NPHP3: variants seen among roughly 807,000 people sequenced by gnomAD.
The protein encoded by NPHP3 is nephrocystin-3.
NPHP3 carries 123 observed loss-of-function variants against 171.9 expected under a neutral mutation model. The observed-to-expected ratio is 0.72, with a 90% CI of 0.62 to 0.83. NPHP3 has a LOEUF of 0.83. NPHP3 is among the 40% of genes least tolerant of loss of function. The probability of loss-of-function intolerance (pLI) is 0.00; values close to 1 mark genes in which losing one functional copy is unlikely to be tolerated. For missense variants in NPHP3, 1,506 were observed against 1,591.9 expected, an observed-to-expected ratio of 0.95 and a Z score of 0.92; for synonymous variants, 558 against 579.2, an observed-to-expected ratio of 0.96 and a Z score of 0.52.
At position 132,708,169 on chromosome 3, in the gene NPHP3, C is replaced by T; in HGVS notation, c.1207G>A (p.Val403Ile). 2 of 1,614,154 alleles carry T rather than the reference C, an allele frequency of 1.2e-6. No individual in the cohort carries two copies. The highest frequency in any genetic ancestry group is 2.7e-5 in the African/African-American group (2 of 75,056). ...LIFHRLEDGK[V>I]SSDSVQQLID... ...AATTGCTGGACAGAGTCAGAACTGA[C>T]TTTTCCATCTTCCAAACGATGAAAG... The change falls in exon 7 of 27, where the codon GTC becomes ATC. Residue 403 changes from valine (V) to isoleucine (I), a missense_variant. Transcript: ENST00000337331.
chr3:132,707,649 T>C (rs1391212621), intron 7 of NPHP3, among the ~76,000 whole-genome samples: 1 of 152,014 alleles, frequency 6.6e-6, no homozygotes, highest in East Asian at 1.9e-4. Flanking sequence ...TAAGAAATCC[T>C]ATTGGCTCTA....
intron 9 of NPHP3, 43 bp downstream of exon 9, chr3:132,704,155 A>G: frequency 1.3e-6 from 2 of 1,552,410 alleles, no homozygotes; most frequent in Non-Finnish European, 1.8e-6. Context: ...ACAGCCTTTA[A>G]GTGGTGACAG....
At chr3:132,699,232 C>A (rs757472713) in intron 13 of NPHP3, 121 bp downstream of exon 13, 5 of 698,644 alleles carry the variant, frequency 7.2e-6, no homozygotes, top group Non-Finnish European at 1.3e-5. Context: ...ACCCACTTCT[C>A]CCCATCCTCA....
At chr3:132,701,756 C>A (rs1238319314) in intron 9 of NPHP3, among the ~76,000 whole-genome samples, 1 of 152,226 alleles carries the variant, frequency 6.6e-6, no homozygotes. Context: ...GGCGCGGTGG[C>A]TCACGCCTGT....
intron 3 of NPHP3, 35 bp from the exon 4 acceptor site, chr3:132,716,944 A>G: frequency 6.2e-7 from 1 of 1,609,348 alleles, no homozygotes; most frequent in South Asian, 1.1e-5. Context: ...TGTGAAAGCC[A>G]ACTTATTGAA....
intron 6 of NPHP3, among the ~76,000 whole-genome samples, chr3:132,712,095 CTCTATA>C (rs879364865): frequency 2.1e-5 from 3 of 146,070 alleles, no homozygotes; most frequent in Non-Finnish European, 4.7e-5. Context: ...TGTCCTTTAT[CTCTATA>C]TCTAACTGGT....
chr3:132,694,925 A>C lies in NPHP3; in HGVS notation c.2212T>G (p.Cys738Gly). ...AGNLDKILHQ[C>G]FQCQDTLSLY... ...GAAAGAGTATCTTGACACTGGAAAC[A>C]CTGATGAAGGATTTTATCTAAATTG... The change falls in exon 16 of 27, where the codon TGT becomes GGT. Residue 738 changes from cysteine to glycine, a missense_variant. Physicochemically the swap from Cys to Gly is radical, Grantham distance 159. Around this residue, in one of 3 missense-constraint regions of NPHP3, gnomAD observed 930 missense variants for 924.9 expected, o/e 1.01. Coordinates refer to ENST00000337331, the MANE Select transcript of NPHP3 (RefSeq NM_153240.5). 2.5e-6 allele frequency: 4 copies of C among 1,613,862 alleles called. No individual in the cohort carries two copies. Among genetic ancestry groups the C allele is most frequent in the Non-Finnish European group, 3.4e-6 (4 of 1,179,872 alleles).
At chr3:132,687,830 A>T (rs1939200511) in intron 21 of NPHP3, among the ~76,000 whole-genome samples, 1 of 152,204 alleles carries the variant, frequency 6.6e-6, no homozygotes, top group African/African-American at 2.4e-5. Flanking sequence ...ATTATACCAG[A>T]GATTGGCTTT....
At chr3:132,699,873 ATC>A in intron 12 of NPHP3, 43 bp downstream of exon 12, 4 of 1,597,300 alleles carry the variant, frequency 2.5e-6, no homozygotes, top group Non-Finnish European at 3.4e-6. Context: ...CTGAATTTAC[ATC>A]TCTTTCTGAG....
chr3:132,719,001 A>T lies in NPHP3; in HGVS notation c.663T>A (p.Asp221Glu). 6.2e-7 allele frequency: 1 copy of T among 1,614,172 alleles called. No homozygotes were observed. The highest frequency in any genetic ancestry group is 1.7e-5 in the Admixed American group (1 of 60,024). The change falls in exon 3 of 27, where the codon GAT (aspartate) becomes GAA (glutamate). Residue 221 changes from aspartate (D) to glutamate (E), a missense_variant. Transcript: ENST00000337331. ...AATAGGATATACACTTACCAGTGAC[A>T]TCTGTACAGTTGTCATCTGAATCAG... ...GESDSDDNCT[D>E]VTAAGTQCEY...
At position 132,681,143 on chromosome 3, in the gene NPHP3, C is replaced by T. The variant is rs1939017013; in HGVS notation, c.*767G>A. The T allele has an allele frequency of 6.6e-6, 1 of 152,188 alleles. No individual in the cohort carries two copies. Among genetic ancestry groups the T allele is most frequent in the Non-Finnish European group, 1.5e-5 (1 of 68,044 alleles). 9.4% of individuals were successfully genotyped at this position (152,188 alleles called of 1,614,324 possible). A position where few individuals can be genotyped will look rare whatever the true frequency, so the allele number is the denominator to read the frequency against. On this transcript the variant is annotated 3_prime_UTR_variant, in exon 27 of 27. Transcript: ENST00000337331. ...TTTGAATCGTTCATAAACATTAACC[C>T]TTTAATCCTTGAAACTTTCCTTTGA...
chr3:132,709,157 C>CT (rs1939836903), intron 6 of NPHP3, among the ~76,000 whole-genome samples: 1 of 150,882 alleles, frequency 6.6e-6, no homozygotes. Context: ...TCCCAAAAAA[C>CT]AACTTTGTTA....
Position 132,713,235 on chromosome 3 carries a change from G to A in NPHP3, c.1009C>T (p.His337Tyr), listed in dbSNP as rs769409934. The change falls in exon 6 of 27, where the codon CAT (histidine) becomes TAT (tyrosine). Residue 337 changes from histidine to tyrosine, a missense_variant. This residue lies in a region of NPHP3 where 930 missense variants were observed against 924.9 expected (regional missense o/e 1.01). Coordinates refer to ENST00000337331, the MANE Select transcript of NPHP3 (RefSeq NM_153240.5). ...ACATCTATTGGAAAATAAACAGCAT[G>A]GAAAAAATATCCCATTGTCTCGCAC... is the stretch of plus-strand genomic sequence containing the variant. ...RMCETMGYFF[H>Y]AVYFPIDVEN... The A allele has an allele frequency of 4.4e-6, 7 of 1,599,108 alleles. No individual in the cohort carries two copies. The highest frequency in any genetic ancestry group is 1.7e-4 in the Middle Eastern group (1 of 6,016).
At chr3:132,690,381 T>C (rs1348932343) in intron 19 of NPHP3, 147 bp downstream of exon 19, 2 of 730,190 alleles carry the variant, frequency 2.7e-6, no homozygotes, top group Non-Finnish European at 4.5e-6. Flanking sequence ...AATAGAGATT[T>C]GTAAATTGTC....
chr3:132,682,814 T>C lies in NPHP3; in HGVS notation c.3701A>G (p.Lys1234Arg). 6.3e-7 allele frequency: 1 copy of C among 1,594,224 alleles called. No individual in the cohort carries two copies. The change falls in exon 26 of 27, where the codon AAA becomes AGA. Residue 1234 changes from lysine to arginine, a missense_variant. Coordinates refer to ENST00000337331, the MANE Select transcript of NPHP3 (RefSeq NM_153240.5). ...ATATAATGGCAAAGCTTCAACGTGT[T>C]TTTTCTTATTAAAAAAAATGATAAT... ...NLAVLYSQMK[K>R]HVEALPLYER...
chr3:132,700,887 C>A (rs544908973), intron 10 of NPHP3, among the ~76,000 whole-genome samples: 7 of 152,166 alleles, frequency 4.6e-5, no homozygotes, highest in African/African-American at 1.4e-4. Context: ...AATATTTTTA[C>A]TGCTTGTTTT....
At chr3:132,710,424 C>T (rs1278869226) in intron 6 of NPHP3, among the ~76,000 whole-genome samples, 1 of 151,464 alleles carries the variant, frequency 6.6e-6, no homozygotes, top group African/African-American at 2.4e-5. Context: ...ACTATTTAGG[C>T]ACGGAAGCCT....
intron 21 of NPHP3, 75 bp downstream of exon 21, chr3:132,688,575 A>C: frequency 4.0e-6 from 6 of 1,506,918 alleles, no homozygotes; most frequent in Non-Finnish European, 5.5e-6. Flanking sequence ...GATAAAACAA[A>C]GCTTACCCTA....
rs2107959362 is a variant in NPHP3 at position 132,680,910 on chromosome 3, CAAAG to C, written c.*996_*999del. ...GTCATATCTATATTTTGGGAAAAGT[CAAAG>C]AATGCTAAAGAGCTTGACCTGTTAC... On this transcript the variant is annotated 3_prime_UTR_variant, in exon 27 of 27. Transcript: ENST00000337331. 6.6e-6 allele frequency: 1 copy of C among 152,196 alleles called. No individual in the cohort carries two copies. The highest frequency in any genetic ancestry group is 2.4e-5 in the African/African-American group (1 of 41,546). The allele number at this position is 152,196 out of a possible 1,614,324, so 9.4% of individuals were successfully genotyped here.
Sources: gnomAD v4.1 joint callset for allele counts (sites outside exome capture counted in the v4.1 genomes callset) on GRCh38, gnomAD v4.1.1 for gene constraint, gnomAD v4.1.1 regional missense constraint, MANE v1.5 for transcripts, NCBI Gene and HGNC (gene_info 2026-07-23, HGNC 2026-07-21) for gene names.